Variants in KALRN observed in about 807,000 individuals in gnomAD.
KALRN encodes kalirin RhoGEF kinase.
Under a neutral mutation model 353.7 loss-of-function variants are expected in KALRN, and 70 were observed. The observed-to-expected ratio is 0.20, with a 90% CI of 0.16 to 0.24. KALRN has a LOEUF of 0.24. Ranked by LOEUF, KALRN falls within the 10% of genes least tolerant of loss-of-function variation. KALRN has a pLI of 1.00. For synonymous variants in KALRN, 1,391 were observed against 1,434.8 expected (o/e 0.97, Z 0.69); for missense variants, 2,791 against 3,756.7 (o/e 0.74, Z 6.72).
intron 5 of KALRN, among the ~76,000 whole-genome samples, chr3:124,271,619 A>C (rs2074176588): frequency 6.6e-6 from 1 of 152,168 alleles, no homozygotes; most frequent in Non-Finnish European, 1.5e-5. Context: ...CAGTGTTTTA[A>C]TCTGTCTCCA....
intron 5 of KALRN, among the ~76,000 whole-genome samples, chr3:124,276,730 G>A (rs2074763943): frequency 2.0e-5 from 3 of 152,142 alleles, no homozygotes; most frequent in Admixed American, 1.3e-4. Flanking sequence ...AGTAATCTTT[G>A]ACCCAGAGCA....
intron 49 of KALRN, chr3:124,677,241 T>C (rs2087295174): frequency 6.0e-6 from 1 of 167,212 alleles, no homozygotes. Flanking sequence ...AGAACTTCAT[T>C]CAAGCTCTGT....
intron 9 of KALRN, among the ~76,000 whole-genome samples, chr3:124,335,322 A>C (rs1192615991): frequency 6.6e-6 from 1 of 152,094 alleles, no homozygotes; most frequent in Non-Finnish European, 1.5e-5. Flanking sequence ...TGTTCAGTGT[A>C]TGTTTCATGA....
intron 25 of KALRN, among the ~76,000 whole-genome samples, chr3:124,473,532 T>G (rs2061147130): frequency 6.6e-6 from 1 of 152,212 alleles, no homozygotes; most frequent in Admixed American, 6.5e-5. Flanking sequence ...GTTCTACATA[T>G]TCTTCTGTAC....
At chr3:124,565,380 G>C (rs1372375945) in intron 34 of KALRN, among the ~76,000 whole-genome samples, 1 of 152,210 alleles carries the variant, frequency 6.6e-6, no homozygotes, top group East Asian at 1.9e-4. Flanking sequence ...TCCGCTTGAA[G>C]TCTAGCCAAG....
chr3:124,701,359 G>A lies in KALRN; in HGVS notation c.7997-679G>A, dbSNP rs1044163765. Among the ~76,000 whole-genome samples the A allele has an allele frequency of 6.6e-5, 10 of 150,514 alleles. No homozygotes were observed. The East Asian group carries it at 1.8e-3, about 26-fold the overall frequency. On this transcript the variant is annotated intron_variant, in intron 56 of 59. Coordinates refer to ENST00000682506, the MANE Select transcript of KALRN (RefSeq NM_001388419.1). The stretch of plus-strand genomic sequence containing the variant: ...ATGCCTGAGAAGAGCGGGATAAGAA[G>A]ATAATTTTTTCTTTTTCTTTCTTTC...
At chr3:124,417,796 T>C (rs2092587841) in intron 14 of KALRN, among the ~76,000 whole-genome samples, 1 of 152,196 alleles carries the variant, frequency 6.6e-6, no homozygotes, top group Non-Finnish European at 1.5e-5. Flanking sequence ...CCTTACCACA[T>C]AGGGTCATGT....
At chr3:124,635,564 G>A (rs1437221284) in intron 36 of KALRN, among the ~76,000 whole-genome samples, 4 of 152,018 alleles carry the variant, frequency 2.6e-5, no homozygotes, top group Non-Finnish European at 5.9e-5. Context: ...TAAATGTTTG[G>A]GAGTGGGATG....
intron 1 of KALRN, among the ~76,000 whole-genome samples, chr3:124,080,381 C>G (rs922108198): frequency 1.3e-5 from 2 of 152,138 alleles, no homozygotes; most frequent in African/African-American, 2.4e-5. Flanking sequence ...AACTCCATAC[C>G]AACTCAGTTT....
intron 33 of KALRN, among the ~76,000 whole-genome samples, chr3:124,540,713 A>G (rs1360409108): frequency 6.6e-6 from 1 of 152,206 alleles, no homozygotes; most frequent in Non-Finnish European, 1.5e-5. Context: ...TTGACATTGT[A>G]TCTCTCTATC....
At chr3:124,158,776 C>A (rs2069427165) in intron 1 of KALRN, among the ~76,000 whole-genome samples, 2 of 152,152 alleles carry the variant, frequency 1.3e-5, no homozygotes, top group Admixed American at 1.3e-4. Context: ...TTGGCTTTTG[C>A]AAGGCCACTG....
At chr3:124,202,990 C>T (rs2076094372) in intron 1 of KALRN, among the ~76,000 whole-genome samples, 1 of 152,150 alleles carries the variant, frequency 6.6e-6, no homozygotes, top group Non-Finnish European at 1.5e-5. Flanking sequence ...TCCTTTCCTC[C>T]CTGACAGTTC....
intron 34 of KALRN, among the ~76,000 whole-genome samples, chr3:124,594,267 C>T (rs895394935): frequency 2.0e-5 from 3 of 152,178 alleles, no homozygotes; most frequent in Non-Finnish European, 2.9e-5. Context: ...CGCTCTGTCA[C>T]CAGGCTGGAG....
chr3:124,331,145 G>T (rs1250154962), intron 8 of KALRN, among the ~76,000 whole-genome samples: 2 of 152,170 alleles, frequency 1.3e-5, no homozygotes, highest in African/African-American at 2.4e-5. Context: ...TCATAGGATA[G>T]TGTTGAGGTT....
chr3:124,065,090 GA>G (rs2042248852), intron 1 of KALRN, among the ~76,000 whole-genome samples: 1 of 152,166 alleles, frequency 6.6e-6, no homozygotes, highest in South Asian at 2.1e-4. Flanking sequence ...TTCCACTCAG[GA>G]AAGACTGCTT....
chr3:124,558,599 A>G (rs2071565599), intron 33 of KALRN, among the ~76,000 whole-genome samples: 1 of 152,216 alleles, frequency 6.6e-6, no homozygotes, highest in African/African-American at 2.4e-5. Flanking sequence ...TTTTTAGACA[A>G]TCATTTAGCT....
chr3:124,214,603 A>G (rs1259273191), intron 1 of KALRN, among the ~76,000 whole-genome samples: 1 of 152,126 alleles, frequency 6.6e-6, no homozygotes, highest in Non-Finnish European at 1.5e-5. Context: ...CTGGGAGAGG[A>G]TTATGAGTGC....
At chr3:124,718,416 C>T (rs1443079798) in intron 59 of KALRN, among the ~76,000 whole-genome samples, 20 of 152,128 alleles carry the variant, frequency 1.3e-4, no homozygotes, top group Admixed American at 1.1e-3. Flanking sequence ...CCACCGTGCC[C>T]GGCCTCCCCA....
chr3:124,705,822 C>CCCTTCCTT (rs373858046), intron 57 of KALRN, among the ~76,000 whole-genome samples: 5,049 of 144,716 alleles, frequency 0.035, 188 homozygotes, highest in African/African-American at 0.09. Context: ...CTTCCTTCCT[C>CCCTTCCTT]CCTTCCTTCC....
Sources: allele counts gnomAD v4.1 joint callset (sites outside exome capture counted in the v4.1 genomes callset), GRCh38; gene constraint gnomAD v4.1.1; transcripts MANE v1.5; gene names NCBI Gene and HGNC (gene_info 2026-07-23, HGNC 2026-07-21).